The following KIAA0825 variants were observed in gnomAD, a reference collection of about 807,000 sequenced individuals.
KIAA0825 encodes uncharacterized protein KIAA0825.
In KIAA0825, 119 loss-of-function variants were observed where a neutral mutation model predicts 147.6. That is an observed-to-expected ratio of 0.81 (90% confidence interval 0.69 to 0.94). The LOEUF is 0.94. Among genes scored for constraint, KIAA0825 ranks in the 40% least tolerant of loss-of-function variants. KIAA0825 has a pLI of 0.00. For synonymous variants in KIAA0825, 470 were observed against 518.1 expected, an observed-to-expected ratio of 0.91 and a Z score of 1.26; for missense variants, 1,381 against 1,472.7, an observed-to-expected ratio of 0.94 and a Z score of 1.02.
rs577707632 is a variant in KIAA0825, at chr5:94,474,978, A to G, written c.1228-1459T>C. 4.3e-4 allele frequency among the ~76,000 whole-genome samples: 66 copies of G among 152,082 alleles called. 1 individual carries two copies. The highest frequency in any genetic ancestry group is 1.5e-3 in the African/African-American group (63 of 41,484). ...GTGGCACGTGCCTGTAGTCCCAGCT[A>G]CTCAGGAGGCTGAGGCAGGAGAATC... On this transcript the variant is annotated intron_variant, in intron 7 of 20. Coordinates refer to ENST00000682413, the MANE Select transcript of KIAA0825 (RefSeq NM_001145678.3).
At chr5:94,240,431 A>G (rs1444259599) in intron 20 of KIAA0825, among the ~76,000 whole-genome samples, 1 of 152,202 alleles carries the variant, frequency 6.6e-6, no homozygotes, top group Non-Finnish European at 1.5e-5. Context: ...CCGAATGTAC[A>G]CTGTTTGGTT....
At chr5:94,429,277 C>G (rs1251391558) in intron 14 of KIAA0825, among the ~76,000 whole-genome samples, 1 of 152,110 alleles carries the variant, frequency 6.6e-6, no homozygotes, top group East Asian at 1.9e-4. Context: ...TTCATTGTGC[C>G]AAAATTCTTG....
chr5:94,342,229 C>A (rs552092377), intron 20 of KIAA0825, among the ~76,000 whole-genome samples: 2 of 151,492 alleles, frequency 1.3e-5, no homozygotes, highest in African/African-American at 4.8e-5. Context: ...AGGATTTGCA[C>A]CAAAATTGTC....
chr5:94,587,202 G>A (rs1783468111), intron 1 of KIAA0825, among the ~76,000 whole-genome samples: 1 of 152,106 alleles, frequency 6.6e-6, no homozygotes, highest in Admixed American at 6.5e-5. Flanking sequence ...GGGCATTCAG[G>A]CAAGATAAAG....
intron 1 of KIAA0825, among the ~76,000 whole-genome samples, chr5:94,584,149 T>C (rs1242413608): frequency 6.6e-6 from 1 of 152,040 alleles, no homozygotes; most frequent in Non-Finnish European, 1.5e-5. Flanking sequence ...GGAACACAAC[T>C]CTTCACCAGC....
At chr5:94,461,149 T>C (rs1759773312) in intron 12 of KIAA0825, among the ~76,000 whole-genome samples, 1 of 152,026 alleles carries the variant, frequency 6.6e-6, no homozygotes, top group South Asian at 2.1e-4. Context: ...TGTTACATTA[T>C]TATTAAAATA....
At chr5:94,563,194 AC>A (rs1441590799) in intron 2 of KIAA0825, among the ~76,000 whole-genome samples, 2 of 110,160 alleles carry the variant, frequency 1.8e-5, no homozygotes, top group South Asian at 2.7e-4. Context: ...ACCAAAAAAA[AC>A]AAAAAAAAAA....
chr5:94,544,285 G>C (rs1773909212), intron 2 of KIAA0825, among the ~76,000 whole-genome samples: 1 of 152,206 alleles, frequency 6.6e-6, no homozygotes, highest in African/African-American at 2.4e-5. Context: ...TAACCACCTA[G>C]ATTTTCAACT....
intron 20 of KIAA0825, among the ~76,000 whole-genome samples, chr5:94,265,469 T>C (rs1465091569): frequency 1.3e-5 from 2 of 152,186 alleles, no homozygotes; most frequent in African/African-American, 4.8e-5. Flanking sequence ...CTACTAGTAC[T>C]CATTGTATTC....
chr5:94,344,707 C>T (rs1488101933), intron 20 of KIAA0825, among the ~76,000 whole-genome samples: 1 of 152,162 alleles, frequency 6.6e-6, no homozygotes, highest in Non-Finnish European at 1.5e-5. Context: ...ATGGTACATA[C>T]ATACAATGCA....
rs555190244 is a variant in KIAA0825, at chr5:94,240,251, T to C, written c.3711-86127A>G. Among the ~76,000 whole-genome samples, 3 of 152,320 alleles carry C rather than the reference T, an allele frequency of 2.0e-5. No individual in the cohort carries two copies. The South Asian group carries it at 6.2e-4, about 32-fold the overall frequency. ...TCTTGCTTGGAAAGCCAGCAAATAA[T>C]GGCTGTTGTATTAGCTGCTTTTGAT... On this transcript the variant is annotated intron_variant, in intron 20 of 20. Transcript: ENST00000682413.
chr5:94,589,215 G>T (rs1783893316), intron 1 of KIAA0825, among the ~76,000 whole-genome samples: 1 of 152,094 alleles, frequency 6.6e-6, no homozygotes, highest in Admixed American at 6.6e-5. Flanking sequence ...TGTTAAACAT[G>T]GGTTCTGATT....
chr5:94,313,953 A>G (rs939057959), intron 20 of KIAA0825, among the ~76,000 whole-genome samples: 2 of 151,642 alleles, frequency 1.3e-5, no homozygotes, highest in African/African-American at 4.8e-5. Context: ...TGCAGATATA[A>G]GTAGCAGACT....
intron 20 of KIAA0825, among the ~76,000 whole-genome samples, chr5:94,336,898 T>C (rs1346346087): frequency 6.6e-6 from 1 of 152,138 alleles, no homozygotes; most frequent in Non-Finnish European, 1.5e-5. Flanking sequence ...CACATTCTTT[T>C]CAAGCAAAAA....
intron 17 of KIAA0825, among the ~76,000 whole-genome samples, chr5:94,391,938 T>C (rs751063650): frequency 2.4e-4 from 37 of 152,270 alleles, no homozygotes; most frequent in Non-Finnish European, 5.0e-4. Flanking sequence ...TTACTGCATT[T>C]ATACTCCTAT....
chr5:94,553,959 T>C (rs573961877), intron 2 of KIAA0825, among the ~76,000 whole-genome samples: 42 of 152,342 alleles, frequency 2.8e-4, no homozygotes, highest in Non-Finnish European at 4.7e-4. Flanking sequence ...ACCATTTTTC[T>C]TGTCCCTTGG....
chr5:94,396,514 G>A lies in KIAA0825; in HGVS notation c.2888-5C>T, dbSNP rs1750670803. ...GAGCAGTAAGCCTTGTGAAGCCTGG[G>A]GAAGAAAAGAAAAGGTATGATTAAT... On this transcript the variant is annotated splice_region_variant and splice_polypyrimidine_tract_variant and intron_variant, in intron 16 of 20. Transcript: ENST00000682413. The A allele has an allele frequency of 2.0e-6, 3 of 1,469,434 alleles. No individual in the cohort carries two copies. Among genetic ancestry groups the A allele is most frequent in the African/African-American group, 1.4e-5 (1 of 70,010 alleles). The allele number at this position is 1,469,434 out of a possible 1,614,324, so 91.0% of individuals were successfully genotyped here. A position where few individuals can be genotyped will look rare whatever the true frequency, so the allele number is the denominator to read the frequency against.
chr5:94,435,842 T>C (rs1305276921), intron 14 of KIAA0825, among the ~76,000 whole-genome samples: 1 of 152,206 alleles, frequency 6.6e-6, no homozygotes, highest in Non-Finnish European at 1.5e-5. Context: ...TATCTCATTG[T>C]AGTTTTGATT....
At position 94,247,213 on chromosome 5, in the gene KIAA0825, T is replaced by C. The variant is rs535232164; in HGVS notation, c.3711-93089A>G. On this transcript the variant is annotated intron_variant, in intron 20 of 20. Coordinates refer to ENST00000682413, the MANE Select transcript of KIAA0825 (RefSeq NM_001145678.3). ...GTATTTTGTCTCTAAAAGTTATCTT[T>C]GAATGTGGTAGTTTATGATGTTATT... Among the ~76,000 whole-genome samples, 95 of 152,298 alleles carry C rather than the reference T, an allele frequency of 6.2e-4. 1 individual carries two copies. Among genetic ancestry groups the C allele is most frequent in the African/African-American group, 2.0e-3 (85 of 41,576 alleles).
Sources: gnomAD v4.1 joint callset for allele counts (sites outside exome capture counted in the v4.1 genomes callset) on GRCh38, gnomAD v4.1.1 for gene constraint, MANE v1.5 for transcripts, NCBI Gene and HGNC (gene_info 2026-07-23, HGNC 2026-07-21) for gene names.